The following ZNF704 variants were observed in gnomAD, a reference collection of about 807,000 sequenced individuals.
ZNF704 encodes glucocorticoid induced gene 1.
A neutral mutation model predicts 44.7 loss-of-function variants in ZNF704; 10 were observed. That is an observed-to-expected ratio of 0.22 (90% CI 0.14 to 0.38). The LOEUF (loss-of-function observed/expected upper bound fraction) is 0.38. Ranked by LOEUF, ZNF704 falls within the 10% of genes least tolerant of loss-of-function variation. The pLI, the probability that ZNF704 is intolerant of heterozygous loss-of-function variation, is 1.00. For synonymous variants in ZNF704, 211 were observed against 207.6 expected (o/e 1.02, Z -0.14); for missense variants, 390 against 545.5 (o/e 0.71, Z 2.84).
chr8:80,840,436 C>A (rs988825591), intron 1 of ZNF704, among the ~76,000 whole-genome samples: 1 of 152,206 alleles, frequency 6.6e-6, no homozygotes, highest in African/African-American at 2.4e-5. Flanking sequence ...AAAGATTGGA[C>A]ACCCCCGCTC....
At chr8:80,764,455 G>A (rs1807192996) in intron 2 of ZNF704, among the ~76,000 whole-genome samples, 1 of 152,090 alleles carries the variant, frequency 6.6e-6, no homozygotes, top group Non-Finnish European at 1.5e-5. Flanking sequence ...AAGAATACAT[G>A]GGGGAAACTG....
At chr8:80,807,531 AC>A (rs150269718) in intron 2 of ZNF704, among the ~76,000 whole-genome samples, 29 of 150,828 alleles carry the variant, frequency 1.9e-4, no homozygotes, top group South Asian at 4.2e-4. Context: ...TTTCTAATTG[AC>A]CCCCCCCAAA....
chr8:80,684,506 C>T lies in ZNF704; in HGVS notation c.558+2720G>A, dbSNP rs570283935. Among the ~76,000 whole-genome samples, 36 of 152,182 alleles carry T rather than the reference C, an allele frequency of 2.4e-4. No homozygotes were observed. The East Asian group carries it at 6.6e-3, about 28-fold the overall frequency. On this transcript the variant is annotated intron_variant, in intron 4 of 8. Transcript: ENST00000327835. ...ATACCCACAGAACAAGTGACTATCACAATGGGTTTTAAATGGGTACTATGA... is the reference window on the plus strand; with the variant it reads ...ATACCCACAGAACAAGTGACTATCATAATGGGTTTTAAATGGGTACTATGA...
At chr8:80,805,528 T>C (rs1237685307) in intron 2 of ZNF704, among the ~76,000 whole-genome samples, 1 of 152,154 alleles carries the variant, frequency 6.6e-6, no homozygotes, top group Non-Finnish European at 1.5e-5. Flanking sequence ...ATGTAGAAAG[T>C]CCCTGAAAGT....
intron 1 of ZNF704, among the ~76,000 whole-genome samples, chr8:80,833,600 T>C (rs1348957832): frequency 6.6e-6 from 1 of 152,242 alleles, no homozygotes; most frequent in Non-Finnish European, 1.5e-5. Context: ...ATTGATTATA[T>C]TATTCCCTTA....
chr8:80,662,959 G>A (rs752123765), intron 6 of ZNF704, among the ~76,000 whole-genome samples: 38 of 152,122 alleles, frequency 2.5e-4, no homozygotes, highest in Admixed American at 1.4e-3. Context: ...AAACAAGGGT[G>A]GGAGAACATA....
chr8:80,774,960 G>C (rs1041814173), intron 2 of ZNF704, among the ~76,000 whole-genome samples: 2 of 152,026 alleles, frequency 1.3e-5, no homozygotes, highest in Non-Finnish European at 2.9e-5. Flanking sequence ...GTGGCCCGGG[G>C]GTTTCTAGCC....
intron 2 of ZNF704, 91 bp downstream of exon 2, chr8:80,821,283 T>C (rs906083910): frequency 2.3e-6 from 3 of 1,318,866 alleles, no homozygotes; most frequent in South Asian, 2.5e-5. Context: ...TATGTCTATA[T>C]ACTGAAGAGA....
At chr8:80,674,716 G>C (rs1818336686) in intron 4 of ZNF704, among the ~76,000 whole-genome samples, 1 of 152,066 alleles carries the variant, frequency 6.6e-6, no homozygotes, top group Non-Finnish European at 1.5e-5. Flanking sequence ...CCCTATGCTG[G>C]GGATCAAATT....
At chr8:80,844,161 A>C (rs960663335) in intron 1 of ZNF704, among the ~76,000 whole-genome samples, 1 of 152,098 alleles carries the variant, frequency 6.6e-6, no homozygotes, top group Non-Finnish European at 1.5e-5. Context: ...AGAGGAGAAA[A>C]ATCAGAGGTC....
chr8:80,792,961 A>G (rs1224559613), intron 2 of ZNF704, among the ~76,000 whole-genome samples: 3 of 152,220 alleles, frequency 2.0e-5, no homozygotes, highest in East Asian at 1.9e-4. Flanking sequence ...TGTTGTTTCA[A>G]TCCAATAGGT....
chr8:80,823,921 C>G (rs560828192), intron 1 of ZNF704, among the ~76,000 whole-genome samples: 2 of 152,162 alleles, frequency 1.3e-5, no homozygotes, highest in African/African-American at 2.4e-5. Flanking sequence ...CCCATCTGTA[C>G]GTCACCATCA....
chr8:80,867,759 G>C (rs1809181400), intron 1 of ZNF704, among the ~76,000 whole-genome samples: 1 of 152,220 alleles, frequency 6.6e-6, no homozygotes, highest in Admixed American at 6.5e-5. Context: ...TGATATTCAA[G>C]AGATAGTCTA....
At chr8:80,872,340 A>G (rs1809266691) in intron 1 of ZNF704, among the ~76,000 whole-genome samples, 1 of 152,210 alleles carries the variant, frequency 6.6e-6, no homozygotes, top group African/African-American at 2.4e-5. Flanking sequence ...TGGTCTAGGA[A>G]ATAAATTTCT....
chr8:80,847,245 A>T (rs1383433219), intron 1 of ZNF704, among the ~76,000 whole-genome samples: 1 of 152,178 alleles, frequency 6.6e-6, no homozygotes, highest in Non-Finnish European at 1.5e-5. Flanking sequence ...CAAAAAAGAG[A>T]AGTATTTAGA....
chr8:80,806,125 C>G (rs540609682), intron 2 of ZNF704, among the ~76,000 whole-genome samples: 67 of 152,270 alleles, frequency 4.4e-4, no homozygotes, highest in African/African-American at 1.6e-3. Flanking sequence ...CACAGAAAGT[C>G]GTGCATGATG....
chr8:80,802,602 C>T (rs1011071424), intron 2 of ZNF704, among the ~76,000 whole-genome samples: 1 of 152,128 alleles, frequency 6.6e-6, no homozygotes, highest in Non-Finnish European at 1.5e-5. Context: ...AAAATTATCT[C>T]AATAGATGCA....
At chr8:80,662,839 C>A (rs753688066) in intron 6 of ZNF704, among the ~76,000 whole-genome samples, 2 of 151,588 alleles carry the variant, frequency 1.3e-5, no homozygotes, top group African/African-American at 4.8e-5. Flanking sequence ...TTATTAATGA[C>A]GAAAAAACAG....
In ZNF704 at chr8:80,641,124, GA is replaced by G. The variant is rs889051167; in HGVS notation, c.*241del. 1.9e-5 allele frequency: 6 copies of G among 309,592 alleles called. No homozygotes were observed. The highest frequency in any genetic ancestry group is 6.4e-5 in the African/African-American group (3 of 46,672). The allele number at this position is 309,592 out of a possible 1,614,324, so 19.2% of individuals were successfully genotyped here. A position where few individuals can be genotyped will look rare whatever the true frequency, so the allele number is the denominator to read the frequency against. On this transcript the variant is annotated 3_prime_UTR_variant, in exon 9 of 9. Coordinates refer to ENST00000327835, the MANE Select transcript of ZNF704 (RefSeq NM_001033723.3). ...AAAAAAGTTGACTTTTCTTTTGAAG[GA>G]AAAAAAACTAGTTATAGCTGCTCCA...
Sources: gnomAD v4.1 joint callset for allele counts (sites outside exome capture counted in the v4.1 genomes callset) on GRCh38, gnomAD v4.1.1 for gene constraint, MANE v1.5 for transcripts, NCBI Gene and HGNC (gene_info 2026-07-23, HGNC 2026-07-21) for gene names.